RGPD8: variants seen among roughly 807,000 people sequenced by gnomAD.
The protein encoded by RGPD8 is RANBP2-like and GRIP domain-containing protein 8.
A neutral mutation model predicts 89.1 loss-of-function variants in RGPD8; 15 were observed. The ratio of observed to expected loss-of-function variants is 0.17; its 90% CI spans 0.11 to 0.26. The LOEUF is 0.26. Among genes scored for constraint, RGPD8 ranks in the 10% least tolerant of loss-of-function variants. The pLI, the probability that RGPD8 is intolerant of heterozygous loss-of-function variation, is 1.00. For missense variants in RGPD8, 178 were observed against 1,179.6 expected (o/e 0.15, Z 12.44); for synonymous variants, 62 against 420.9 (o/e 0.15, Z 10.44).
rs1186904478 is a variant in RGPD8 at position 112,402,615 on chromosome 2, T to C, written c.1277-767A>G. Reference sequence around the variant, plus strand: ...GCAAGACTTAAAGATGTTCATGTCCTTTGTCTCAGTAATTCTGTTTTTAGG... The same window carrying C: ...GCAAGACTTAAAGATGTTCATGTCCCTTGTCTCAGTAATTCTGTTTTTAGG... On this transcript the variant is annotated intron_variant, in intron 9 of 22. Coordinates refer to ENST00000302558, the MANE Select transcript of RGPD8 (RefSeq NM_001164463.1). 6.7e-5 allele frequency among the ~76,000 whole-genome samples: 10 copies of C among 148,736 alleles called. No individual in the cohort carries two copies. In the South Asian group the frequency reaches 1.5e-3, roughly 22 times the overall value.
Position 112,429,355 on chromosome 2 carries a change from G to T in RGPD8, c.72+4027C>A, listed in dbSNP as rs1297602433. 1.0e-4 allele frequency among the ~76,000 whole-genome samples: 14 copies of T among 137,148 alleles called. No homozygotes were observed. The South Asian group carries it at 3.4e-3, about 33-fold the overall frequency. The allele number at this position is 137,148 out of a possible 152,430, so 90.0% of individuals were successfully genotyped here. A position where few individuals can be genotyped will look rare whatever the true frequency, so the allele number is the denominator to read the frequency against. On this transcript the variant is annotated intron_variant, in intron 1 of 22. Coordinates refer to ENST00000302558, the MANE Select transcript of RGPD8 (RefSeq NM_001164463.1). ...GGCGTGAACCCCGGAGGCAGAGTTT[G>T]CAGTGAGCCGAGATCGCGACACTGC...
chr2:112,417,404 G>A, intron 5 of RGPD8, 66 bp from the exon 6 acceptor site: 1 of 1,587,452 alleles, frequency 6.3e-7, no homozygotes, highest in East Asian at 2.3e-5. Flanking sequence ...ACCATTTTAT[G>A]CCTACAAATT....
chr2:112,408,763 C>T (rs1374320704), intron 7 of RGPD8, among the ~76,000 whole-genome samples: 28 of 151,520 alleles, frequency 1.8e-4, no homozygotes, highest in Admixed American at 6.6e-4. Context: ...CCTCCGCCTC[C>T]TGGTTTCAAG....
intron 1 of RGPD8, among the ~76,000 whole-genome samples, chr2:112,426,413 C>G (rs1679770392): frequency 1.3e-5 from 2 of 149,820 alleles, no homozygotes; most frequent in South Asian, 4.3e-4. Flanking sequence ...TCATGTTATT[C>G]AGACCTGTTT....
chr2:112,426,439 T>G (rs1301540986), intron 1 of RGPD8, among the ~76,000 whole-genome samples: 2 of 149,130 alleles, frequency 1.3e-5, no homozygotes, highest in Admixed American at 6.7e-5. Flanking sequence ...TTAAAACTCA[T>G]GAAATGTTTA....
chr2:112,432,961 C>T (rs1680116673), intron 1 of RGPD8, among the ~76,000 whole-genome samples: 1 of 115,964 alleles, frequency 8.6e-6, no homozygotes, highest in Non-Finnish European at 2.0e-5. Context: ...CGCCGCCGGG[C>T]CGGGTCGAGG....
chr2:112,429,433 A>AG lies in RGPD8; in HGVS notation c.72+3948_72+3949insC, dbSNP rs1423937286. Among the ~76,000 whole-genome samples the AG allele has an allele frequency of 5.9e-3, 879 of 148,740 alleles. 1 individual carries two copies. Among genetic ancestry groups the AG allele is most frequent in the Non-Finnish European group, 9.3e-3 (620 of 66,920 alleles). ...TCCGTCTCAAAAAAAAAAAAAAAAAAAAAAGAAAAGAAAAGAAAATGTCTA... is the reference window on the plus strand; with the variant it reads ...TCCGTCTCAAAAAAAAAAAAAAAAAAGAAAAGAAAAGAAAAGAAAATGTCTA... On this transcript the variant is annotated intron_variant, in intron 1 of 22. Coordinates refer to ENST00000302558, the MANE Select transcript of RGPD8 (RefSeq NM_001164463.1).
At chr2:112,374,858 CTTTTTTT>C (rs780008775) in intron 22 of RGPD8, among the ~76,000 whole-genome samples, 14 of 103,426 alleles carry the variant, frequency 1.4e-4, no homozygotes, top group African/African-American at 3.2e-4. Context: ...AGTTTACATT[CTTTTTTT>C]TTTTTTTTTT....
At chr2:112,380,239 C>T (rs1472461000) in intron 21 of RGPD8, among the ~76,000 whole-genome samples, 2 of 136,420 alleles carry the variant, frequency 1.5e-5, no homozygotes, top group African/African-American at 5.3e-5. Flanking sequence ...AAGACTCACA[C>T]CCATTTTTTA....
At position 112,433,595 on chromosome 2, in the gene RGPD8, C is replaced by A. The variant is rs1167198242; in HGVS notation, c.-142G>T. 1.1e-6 allele frequency: 1 copy of A among 919,624 alleles called. No individual in the cohort carries two copies. Among genetic ancestry groups the A allele is most frequent in the African/African-American group, 1.7e-5 (1 of 59,316 alleles). The allele number at this position is 919,624 out of a possible 1,614,324, so 57.0% of individuals were successfully genotyped here. A position where few individuals can be genotyped will look rare whatever the true frequency, so the allele number is the denominator to read the frequency against. ...GCCCACTGTGACGAGCGTGCGGCGC[C>A]GCCCACGGAGGCCCACTGTGACGAA... On this transcript the variant is annotated 5_prime_UTR_variant, in exon 1 of 23. Transcript: ENST00000302558.
intron 6 of RGPD8, among the ~76,000 whole-genome samples, chr2:112,415,003 G>T (rs1371953935): frequency 7.6e-6 from 1 of 132,036 alleles, no homozygotes; most frequent in African/African-American, 3.0e-5. Context: ...CTGGGCAACA[G>T]AGCGAGACTC....
intron 22 of RGPD8, among the ~76,000 whole-genome samples, chr2:112,374,923 C>T (rs1678079607): frequency 1.5e-5 from 2 of 135,258 alleles, no homozygotes; most frequent in South Asian, 5.0e-4. Flanking sequence ...AGTGCAATGG[C>T]ACCATCTCGG....
intron 1 of RGPD8, among the ~76,000 whole-genome samples, chr2:112,425,277 T>G (rs1285294137): frequency 6.8e-6 from 1 of 147,780 alleles, no homozygotes; most frequent in African/African-American, 2.5e-5. Context: ...TGGGAAAGAA[T>G]AAATAAGTAC....
intron 6 of RGPD8, among the ~76,000 whole-genome samples, chr2:112,414,377 T>A: frequency 1.0e-5 from 1 of 95,678 alleles, no homozygotes; most frequent in African/African-American, 5.0e-5. Context: ...CTTGGGAGGC[T>A]GAGGCAGGAG....
At chr2:112,410,668 C>T (rs1169610300) in intron 7 of RGPD8, among the ~76,000 whole-genome samples, 2 of 151,274 alleles carry the variant, frequency 1.3e-5, no homozygotes, top group African/African-American at 2.5e-5. Flanking sequence ...ATCCCAGATA[C>T]GTGACAGGCT....
At chr2:112,422,731 A>T (rs1215789952) in intron 2 of RGPD8, 72 bp from the exon 3 acceptor site, 6 of 569,388 alleles carry the variant, frequency 1.1e-5, no homozygotes, top group Non-Finnish European at 1.8e-5. Context: ...CGAAGAATAC[A>T]TCTTAAACCA....
At chr2:112,421,281 TA>T (rs1197600518) in intron 4 of RGPD8, among the ~76,000 whole-genome samples, 48 of 88,900 alleles carry the variant, frequency 5.4e-4, no homozygotes, top group African/African-American at 2.0e-3. Flanking sequence ...AGGAGGAAGC[TA>T]AAGGCAAATA....
chr2:112,380,621 C>A, intron 21 of RGPD8, among the ~76,000 whole-genome samples: 2 of 141,976 alleles, frequency 1.4e-5, no homozygotes, highest in Non-Finnish European at 1.5e-5. Flanking sequence ...CCACTGCACT[C>A]CAGCCTGGGT....
intron 22 of RGPD8, among the ~76,000 whole-genome samples, chr2:112,372,992 C>G (rs1677999967): frequency 7.0e-6 from 1 of 142,732 alleles, no homozygotes; most frequent in Admixed American, 6.9e-5. Flanking sequence ...ATATTCAGAT[C>G]TGTAAACTGT....
Sources: allele counts gnomAD v4.1 joint callset (sites outside exome capture counted in the v4.1 genomes callset), GRCh38; gene constraint gnomAD v4.1.1; transcripts MANE v1.5; gene names NCBI Gene and HGNC (gene_info 2026-07-23, HGNC 2026-07-21).